TRAPPC10: variants seen among roughly 807,000 people sequenced by gnomAD.
TRAPPC10 encodes trafficking protein particle complex subunit 10.
In TRAPPC10, 23 loss-of-function variants were observed where a neutral mutation model predicts 125.5. The observed-to-expected ratio is 0.18, with a 90% confidence interval of 0.13 to 0.26. The LOEUF (loss-of-function observed/expected upper bound fraction) is 0.26. Ranked by LOEUF, TRAPPC10 falls within the 10% of genes least tolerant of loss-of-function variation. The pLI, the probability that TRAPPC10 is intolerant of heterozygous loss-of-function variation, is 1.00. For missense variants in TRAPPC10, 1,123 were observed against 1,308.4 expected (o/e 0.86, Z 2.19); for synonymous variants, 509 against 518.0 (o/e 0.98, Z 0.24).
intron 8 of TRAPPC10, 129 bp downstream of exon 8, chr21:44,074,599 T>C (rs2037138071): frequency 6.4e-6 from 8 of 1,257,022 alleles, no homozygotes; most frequent in Admixed American, 4.4e-5. Flanking sequence ...TTAGTGGCCC[T>C]AGAAGGTGTC....
intron 2 of TRAPPC10, among the ~76,000 whole-genome samples, chr21:44,037,327 T>G (rs1040080547): frequency 1.3e-5 from 2 of 152,208 alleles, no homozygotes; most frequent in African/African-American, 4.8e-5. Flanking sequence ...AACAAAAATA[T>G]GTTATATTTT....
chr21:44,041,617 C>T (rs1486781020), intron 3 of TRAPPC10, among the ~76,000 whole-genome samples: 2 of 152,188 alleles, frequency 1.3e-5, no homozygotes, highest in African/African-American at 4.8e-5. Context: ...GGTGATCTGC[C>T]TGCCTCAGCC....
chr21:44,022,533 C>T (rs935594582), intron 1 of TRAPPC10, among the ~76,000 whole-genome samples: 1 of 141,376 alleles, frequency 7.1e-6, no homozygotes, highest in Non-Finnish European at 1.5e-5. Context: ...AGGCTTATCT[C>T]GAACTCCCGA....
At chr21:44,090,138 A>G (rs2038472454) in intron 18 of TRAPPC10, among the ~76,000 whole-genome samples, 2 of 152,168 alleles carry the variant, frequency 1.3e-5, no homozygotes, top group South Asian at 4.1e-4. Context: ...CTGTCTGAAA[A>G]TGACCTTTTA....
chr21:44,026,423 G>T (rs1309893938), intron 1 of TRAPPC10, among the ~76,000 whole-genome samples: 1 of 152,184 alleles, frequency 6.6e-6, no homozygotes, highest in African/African-American at 2.4e-5. Flanking sequence ...TGACTTCCCA[G>T]TTTGTAATCT....
At chr21:44,054,088 A>G (rs2035403787) in intron 4 of TRAPPC10, among the ~76,000 whole-genome samples, 1 of 152,230 alleles carries the variant, frequency 6.6e-6, no homozygotes, top group South Asian at 2.1e-4. Flanking sequence ...GTCGGGAATA[A>G]ATGTTGGTAA....
chr21:44,056,673 C>T (rs1392684291), intron 5 of TRAPPC10, among the ~76,000 whole-genome samples: 1 of 152,220 alleles, frequency 6.6e-6, no homozygotes, highest in Non-Finnish European at 1.5e-5. Flanking sequence ...ACATAGCTCT[C>T]TTCAAGGGTG....
chr21:44,057,303 CTCTT>C (rs1303546969), intron 5 of TRAPPC10, among the ~76,000 whole-genome samples: 2 of 151,616 alleles, frequency 1.3e-5, no homozygotes, highest in Admixed American at 6.6e-5. Flanking sequence ...CTCTCTCTCT[CTCTT>C]TTTTTTTTTA....
At chr21:44,062,657 G>A (rs2036143406) in intron 6 of TRAPPC10, 11 of 984,234 alleles carry the variant, frequency 1.1e-5, no homozygotes, top group Non-Finnish European at 1.3e-5. Context: ...CAGGGGCTGG[G>A]CCAGCGGGTC....
chr21:44,025,440 A>T (rs571863522), intron 1 of TRAPPC10, among the ~76,000 whole-genome samples: 341 of 152,342 alleles, frequency 2.2e-3, no homozygotes, highest in African/African-American at 7.9e-3. Context: ...GTGTTTATTT[A>T]AAAAATGTAT....
At position 44,075,170 on chromosome 21, in the gene TRAPPC10, A is replaced by G; in HGVS notation, c.1300+17A>G. 3 of 1,569,002 alleles carry G rather than the reference A, an allele frequency of 1.9e-6. No homozygotes were observed. In the East Asian group the frequency reaches 6.7e-5, roughly 35 times the overall value. Reference sequence around the variant, plus strand: ...CAGAAACAGGTACTTTTTTGTATATACCTGTGTGAGTGGTGAGGTGGACAG... The same window carrying G: ...CAGAAACAGGTACTTTTTTGTATATGCCTGTGTGAGTGGTGAGGTGGACAG... On this transcript the variant is annotated intron_variant, in intron 9 of 22. Coordinates refer to ENST00000291574, the MANE Select transcript of TRAPPC10 (RefSeq NM_003274.5).
chr21:44,044,022 A>C (rs951519570), intron 3 of TRAPPC10, among the ~76,000 whole-genome samples: 1 of 152,200 alleles, frequency 6.6e-6, no homozygotes, highest in African/African-American at 2.4e-5. Flanking sequence ...GTTTTACACC[A>C]CTATAGCTTG....
rs12626225 is a variant in TRAPPC10, at chr21:44,048,892, T to G, written c.286-3388T>G. ...GCTAGAAGCAGTTCACTCATTGATT[T>G]CTAGCTTTTGATGGAGTGTAATCTA... On this transcript the variant is annotated intron_variant, in intron 3 of 22. Transcript: ENST00000291574. Among the ~76,000 whole-genome samples, 1,074 of 152,010 alleles carry G rather than the reference T, an allele frequency of 7.1e-3. 33 individuals carry two copies. Among genetic ancestry groups the G allele is most frequent in the East Asian group, 0.061 (314 of 5,172 alleles).
intron 3 of TRAPPC10, among the ~76,000 whole-genome samples, chr21:44,047,269 G>A (rs2034899047): frequency 6.6e-6 from 1 of 152,154 alleles, no homozygotes; most frequent in Admixed American, 6.5e-5. Context: ...CACAACCTCT[G>A]CCTCCTGGGT....
chr21:44,012,478 G>A lies in TRAPPC10; in HGVS notation c.-16G>A. ...CCATGGGGCGCGGGGGGCCGGGCCG[G>A]TGACGCCGGACGCCCATGGACGCCT... On this transcript the variant is annotated 5_prime_UTR_variant, in exon 1 of 23. The change creates a new upstream start codon in the 5' untranslated region. Coordinates refer to ENST00000291574, the MANE Select transcript of TRAPPC10 (RefSeq NM_003274.5). 4.1e-6 allele frequency: 6 copies of A among 1,466,162 alleles called. No individual in the cohort carries two copies. Among genetic ancestry groups the A allele is most frequent in the Non-Finnish European group, 5.5e-6 (6 of 1,099,742 alleles). The allele number at this position is 1,466,162 out of a possible 1,614,324, so 90.8% of individuals were successfully genotyped here.
intron 1 of TRAPPC10, among the ~76,000 whole-genome samples, chr21:44,017,539 GTAGT>G (rs2032007541): frequency 6.6e-6 from 1 of 152,052 alleles, no homozygotes; most frequent in African/African-American, 2.4e-5. Context: ...CATTTATTAA[GTAGT>G]TAGATTCCAG....
chr21:44,055,138 A>C (rs566450591), intron 4 of TRAPPC10, among the ~76,000 whole-genome samples: 10 of 152,320 alleles, frequency 6.6e-5, no homozygotes, highest in African/African-American at 2.2e-4. Context: ...TCTTTGGCTC[A>C]GGGCTCATGT....
At position 44,089,793 on chromosome 21, in the gene TRAPPC10, C is replaced by T. The variant is rs374992198; in HGVS notation, c.2770-40C>T. On this transcript the variant is annotated intron_variant, in intron 17 of 22. Coordinates refer to ENST00000291574, the MANE Select transcript of TRAPPC10 (RefSeq NM_003274.5). ...CAGTGGTGGTGGCTGTGCTGTCCGT[C>T]GGCGAGTGGTCTGAGAGTGTCTTTG... 4.5e-5 allele frequency: 69 copies of T among 1,527,970 alleles called. No homozygotes were observed. The African/African-American group carries it at 7.4e-4, about 16-fold the overall frequency. 94.7% of individuals were successfully genotyped at this position (1,527,970 alleles called of 1,614,324 possible).
chr21:44,047,529 AGTATGT>A (rs1473022666), intron 3 of TRAPPC10, among the ~76,000 whole-genome samples: 373 of 104,470 alleles, frequency 3.6e-3, no homozygotes, highest in African/African-American at 0.023. Context: ...TCTCTGGGGG[AGTATGT>A]GTGTGTGTGT....
Sources: allele counts gnomAD v4.1 joint callset (sites outside exome capture counted in the v4.1 genomes callset), GRCh38; gene constraint gnomAD v4.1.1; transcripts MANE v1.5; gene names NCBI Gene and HGNC (gene_info 2026-07-23, HGNC 2026-07-21).